Variants in SLAIN1 observed in about 807,000 individuals in gnomAD.
SLAIN1 encodes the protein SLAIN motif-containing protein 1.
Under a neutral mutation model 55.4 loss-of-function variants are expected in SLAIN1, and 17 were observed. The observed-to-expected ratio is 0.31, with a 90% CI of 0.21 to 0.46. The LOEUF is 0.46. SLAIN1 is among the 20% of genes least tolerant of loss of function. SLAIN1 has a pLI of 1.00. For missense variants in SLAIN1, 682 were observed against 785.1 expected (o/e 0.87, Z 1.57); for synonymous variants, 348 against 337.4 (o/e 1.03, Z -0.35).
chr13:77,720,830 C>T (rs9600918), intron 2 of SLAIN1, among the ~76,000 whole-genome samples: 9,438 of 152,096 alleles, frequency 0.062, 468 homozygotes, highest in African/African-American at 0.12. Context: ...GTTAAATACT[C>T]GGAAGGTGGG....
intron 2 of SLAIN1, among the ~76,000 whole-genome samples, chr13:77,724,372 A>T (rs1050178015): frequency 1.3e-5 from 2 of 152,124 alleles, no homozygotes; most frequent in African/African-American, 4.8e-5. Flanking sequence ...TTTTTGCTGT[A>T]AGGCCATAGA....
Position 77,698,756 on chromosome 13 carries a change from G to A in SLAIN1, c.626+217G>A, listed in dbSNP as rs914030946. ...CAGAAACCTGTTTTCTAATCGCTCC[G>A]ACTGCGGATGAACCGGCCCCCCCTT... On this transcript the variant is annotated intron_variant, in intron 1 of 6. Transcript: ENST00000418532. The surrounding 1 kb of genome is among the most constrained non-coding windows in gnomAD (Gnocchi z 4.1). 3.5e-6 allele frequency: 4 copies of A among 1,133,806 alleles called. No individual in the cohort carries two copies. Among genetic ancestry groups the A allele is most frequent in the Non-Finnish European group, 4.8e-6 (4 of 837,290 alleles). The allele number at this position is 1,133,806 out of a possible 1,614,324, so 70.2% of individuals were successfully genotyped here.
At chr13:77,750,056 T>C (rs1874101394) in intron 4 of SLAIN1, among the ~76,000 whole-genome samples, 1 of 152,184 alleles carries the variant, frequency 6.6e-6, no homozygotes, top group African/African-American at 2.4e-5. Context: ...CATATGATAT[T>C]GTTAATTTGT....
At chr13:77,757,684 A>G (rs1790310188) in intron 5 of SLAIN1, among the ~76,000 whole-genome samples, 1 of 152,006 alleles carries the variant, frequency 6.6e-6, no homozygotes, top group Non-Finnish European at 1.5e-5. Context: ...AACATACGAT[A>G]TTTACTTTTC....
At chr13:77,754,820 A>G (rs571279955) in intron 5 of SLAIN1, among the ~76,000 whole-genome samples, 2 of 152,252 alleles carry the variant, frequency 1.3e-5, no homozygotes, top group East Asian at 3.9e-4. Flanking sequence ...TTGGGCCATC[A>G]TTTATTTGAT....
Position 77,746,701 on chromosome 13 carries a change from A to G in SLAIN1, c.1104A>G (p.Gln368=), listed in dbSNP as rs1309614361. The change falls in exon 4 of 7, where the codon CAA becomes CAG. Residue 368 remains glutamine (Q), a synonymous_variant. Coordinates refer to ENST00000418532, the MANE Select transcript of SLAIN1 (RefSeq NM_001242868.2). ...QPRLPRCSPF[Q]RGIPHSQTFS... is the part of the protein sequence containing the mutation. ...GTCTTCCAAGATGTTCCCCTTTCCAAAGAGGAATTCCCCATTCACAGACTT... is the reference window on the plus strand; with the variant it reads ...GTCTTCCAAGATGTTCCCCTTTCCAGAGAGGAATTCCCCATTCACAGACTT... The G allele has an allele frequency of 5.6e-6, 9 of 1,613,660 alleles. No homozygotes were observed. The highest frequency in any genetic ancestry group is 1.1e-5 in the South Asian group (1 of 91,076).
chr13:77,750,115 C>A (rs1445931189), intron 4 of SLAIN1, among the ~76,000 whole-genome samples: 2 of 152,094 alleles, frequency 1.3e-5, no homozygotes, highest in Non-Finnish European at 2.9e-5. Flanking sequence ...CTCAGGAGAT[C>A]AATATGCATT....
chr13:77,699,119 A>C lies in SLAIN1; in HGVS notation c.626+580A>C, dbSNP rs1009519414. ...CCTTTTGCGTTGCATTTTCATTGAA[A>C]TCTTATTTTCAGAGACTGACTTGCT... On this transcript the variant is annotated intron_variant, in intron 1 of 6. Transcript: ENST00000418532. 3.4e-6 allele frequency: 5 copies of C among 1,458,684 alleles called. No homozygotes were observed. The African/African-American group carries it at 7.0e-5, about 20-fold the overall frequency. 90.4% of individuals were successfully genotyped at this position (1,458,684 alleles called of 1,614,324 possible).
chr13:77,725,763 T>C (rs1181925733), intron 2 of SLAIN1, among the ~76,000 whole-genome samples: 2 of 152,178 alleles, frequency 1.3e-5, no homozygotes, highest in Admixed American at 6.6e-5. Flanking sequence ...TAGCCCAGTC[T>C]GTTTTCTTGG....
At chr13:77,716,463 TTAAGGAGA>T in intron 1 of SLAIN1, among the ~76,000 whole-genome samples, 1 of 152,202 alleles carries the variant, frequency 6.6e-6, no homozygotes, top group Middle Eastern at 3.4e-3. Context: ...GTGGACCAAT[TTAAGGAGA>T]ATTGACATCT....
At chr13:77,738,930 G>C (rs1873272980) in intron 2 of SLAIN1, among the ~76,000 whole-genome samples, 1 of 152,038 alleles carries the variant, frequency 6.6e-6, no homozygotes, top group Non-Finnish European at 1.5e-5. Context: ...TGGCAGCTTT[G>C]TTGCCTTCTT....
rs1463608995 is a variant in SLAIN1 at position 77,698,207 on chromosome 13, C to A, written c.294C>A (p.Leu98=). ...ATAAASGGLG[L]GLALGAGGGG... ...CCGCGGCCTCAGGGGGCCTGGGGCT[C>A]GGGCTGGCGCTGGGCGCGGGGGGCG... The change falls in exon 1 of 7, where the codon CTC becomes CTA. Residue 98 remains leucine, a synonymous_variant. Coordinates refer to ENST00000418532, the MANE Select transcript of SLAIN1 (RefSeq NM_001242868.2). This position sits in a 1 kb window ranked among gnomAD's most constrained non-coding sequence, Gnocchi z 4.1. 8.1e-6 allele frequency: 10 copies of A among 1,241,834 alleles called. No homozygotes were observed. Among genetic ancestry groups the A allele is most frequent in the South Asian group, 3.1e-5 (1 of 32,018 alleles). The allele number at this position is 1,241,834 out of a possible 1,614,324, so 76.9% of individuals were successfully genotyped here.
At chr13:77,701,742 C>G (rs1452371038) in intron 1 of SLAIN1, among the ~76,000 whole-genome samples, 1 of 151,622 alleles carries the variant, frequency 6.6e-6, no homozygotes, top group Admixed American at 6.6e-5. Flanking sequence ...TTCTTTCTTT[C>G]TTTCTTTCTT....
In SLAIN1 at chr13:77,763,133, G is replaced by C; in HGVS notation, c.1698-12G>C. ...AACAATCTCTCTCTCTGTTTTTCTT[G>C]TCTCTTTTTAGTTTTCTTCAGCCTC... On this transcript the variant is annotated splice_polypyrimidine_tract_variant and intron_variant, in intron 6 of 6. Transcript: ENST00000418532. 1.2e-6 allele frequency: 2 copies of C among 1,610,524 alleles called. No individual in the cohort carries two copies. The highest frequency in any genetic ancestry group is 1.7e-6 in the Non-Finnish European group (2 of 1,177,172).
chr13:77,716,245 T>A (rs191033828), intron 1 of SLAIN1, among the ~76,000 whole-genome samples: 5 of 146,940 alleles, frequency 3.4e-5, no homozygotes, highest in Non-Finnish European at 7.4e-5. Flanking sequence ...TTCTGGGCTA[T>A]TTTTTTCCAC....
At chr13:77,710,515 A>G (rs982987923) in intron 1 of SLAIN1, among the ~76,000 whole-genome samples, 3 of 152,228 alleles carry the variant, frequency 2.0e-5, no homozygotes, top group Non-Finnish European at 4.4e-5. Context: ...ATAATGGTAA[A>G]GGGATCAGTG....
chr13:77,753,047 G>A lies in SLAIN1; in HGVS notation c.1259-156G>A, dbSNP rs559814698. Among the ~76,000 whole-genome samples the A allele has an allele frequency of 3.3e-5, 5 of 152,240 alleles. No individual in the cohort carries two copies. The South Asian group carries it at 8.3e-4, about 25-fold the overall frequency. ...GGGAACCCTTCTGGTTGGGAAGGGT[G>A]TTTTCCTGTACAATAGGTTAGAAAG... is the stretch of plus-strand genomic sequence containing the variant. On this transcript the variant is annotated intron_variant, in intron 4 of 6. Transcript: ENST00000418532.
intron 2 of SLAIN1, among the ~76,000 whole-genome samples, chr13:77,740,546 T>C (rs1351516461): frequency 6.9e-6 from 1 of 145,302 alleles, no homozygotes; most frequent in Non-Finnish European, 1.5e-5. Context: ...CCCCTTTTTT[T>C]ATAAATAGAA....
intron 2 of SLAIN1, among the ~76,000 whole-genome samples, chr13:77,727,728 G>A (rs563622027): frequency 2.0e-5 from 3 of 152,274 alleles, no homozygotes; most frequent in Admixed American, 2.0e-4. Context: ...GCTCCACTGT[G>A]ATTGAGATGG....
Sources: gnomAD v4.1 joint callset for allele counts (sites outside exome capture counted in the v4.1 genomes callset) on GRCh38, gnomAD v4.1.1 for gene constraint, Gnocchi (gnomAD v3.1) non-coding constraint, MANE v1.5 for transcripts, NCBI Gene and HGNC (gene_info 2026-07-23, HGNC 2026-07-21) for gene names.